The following CA12 variants were observed in gnomAD, a reference collection of about 807,000 sequenced individuals.
CA12 encodes carbonic anhydrase 12, also known as carbonate dehydratase XII.
Under a neutral mutation model 46.8 loss-of-function variants are expected in CA12, and 36 were observed. The ratio of observed to expected loss-of-function variants is 0.77; its 90% confidence interval spans 0.59 to 1.02. CA12 has a LOEUF of 1.02. Ranked by LOEUF, CA12 falls within the 50% of genes least tolerant of loss-of-function variation. The pLI is 0.00. For synonymous variants in CA12, 202 were observed against 187.0 expected (o/e 1.08, Z -0.65); for missense variants, 436 against 451.4 (o/e 0.97, Z 0.31).
chr15:63,353,238 G>C (rs1232453300), intron 2 of CA12, among the ~76,000 whole-genome samples: 2 of 152,136 alleles, frequency 1.3e-5, no homozygotes, highest in African/African-American at 2.4e-5. Flanking sequence ...CTGTCAAGCA[G>C]ATGATGCAGG....
At position 63,355,946 on chromosome 15, in the gene CA12, A is replaced by C. The variant is rs1486858817; in HGVS notation, c.107-9237T>G. Among the ~76,000 whole-genome samples the C allele has an allele frequency of 6.6e-6, 1 of 152,218 alleles. No individual in the cohort carries two copies. Among genetic ancestry groups the C allele is most frequent in the African/African-American group, 2.4e-5 (1 of 41,454 alleles). ...GGCAACGACTGGTAACCATCTCTGAACAGAAAGGACTACAGATACCGTCTT... is the reference window on the plus strand; with the variant it reads ...GGCAACGACTGGTAACCATCTCTGACCAGAAAGGACTACAGATACCGTCTT... On this transcript the variant is annotated intron_variant, in intron 2 of 10. Coordinates refer to ENST00000178638, the MANE Select transcript of CA12 (RefSeq NM_001218.5). This position sits in a 1 kb window ranked among gnomAD's most constrained non-coding sequence, Gnocchi z 4.1.
In CA12 at chr15:63,329,864, T is replaced by C. The variant is rs912990684; in HGVS notation, c.875-1734A>G. Among the ~76,000 whole-genome samples, 4 of 152,314 alleles carry C rather than the reference T, an allele frequency of 2.6e-5. No homozygotes were observed. Among genetic ancestry groups the C allele is most frequent in the Non-Finnish European group, 4.4e-5 (3 of 68,028 alleles). On this transcript the variant is annotated intron_variant, in intron 8 of 10. Transcript: ENST00000178638. This position sits in a 1 kb window ranked among gnomAD's most constrained non-coding sequence, Gnocchi z 4.8. ...TGTCGTATGGCCCAAGTCTAGCTGA[T>C]TCCCCAGGAGCCATCAGCCGTGTGC...
Position 63,373,356 on chromosome 15 carries a change from C to CT in CA12, c.106+2301_106+2302insA, listed in dbSNP as rs2039530404. 8.1e-6 allele frequency among the ~76,000 whole-genome samples: 1 copy of CT among 124,020 alleles called. No individual in the cohort carries two copies. Among genetic ancestry groups the CT allele is most frequent in the East Asian group, 3.1e-4 (1 of 3,178 alleles). The allele number at this position is 124,020 out of a possible 152,430, so 81.4% of individuals were successfully genotyped here. On this transcript the variant is annotated intron_variant, in intron 2 of 10. Transcript: ENST00000178638. The surrounding 1 kb of genome is among the most constrained non-coding windows in gnomAD (Gnocchi z 4.9). ...CTCCACCCTGGGTGAGAATGAGACT[C>CT]CAAAAAAAAAAAAAAAATTTGTCCT...
At chr15:63,380,186 T>C (rs1257424004) in intron 1 of CA12, among the ~76,000 whole-genome samples, 2 of 151,908 alleles carry the variant, frequency 1.3e-5, no homozygotes, top group African/African-American at 2.4e-5. Flanking sequence ...TTCCTCAGAG[T>C]GAGGCGAAAG....
rs917130883 is a variant in CA12 at position 63,330,625 on chromosome 15, C to A, written c.875-2495G>T. Among the ~76,000 whole-genome samples, 2 of 152,316 alleles carry A rather than the reference C, an allele frequency of 1.3e-5. No individual in the cohort carries two copies. The highest frequency in any genetic ancestry group is 2.1e-4 in the South Asian group (1 of 4,824). ...GCCCAGTCTGTGGCTGGTGGGGGTA[C>A]CCTTCATGCCTGGTCTTGGGGAGCT... is the stretch of plus-strand genomic sequence containing the variant. On this transcript the variant is annotated intron_variant, in intron 8 of 10. Coordinates refer to ENST00000178638, the MANE Select transcript of CA12 (RefSeq NM_001218.5). This position sits in a 1 kb window ranked among gnomAD's most constrained non-coding sequence, Gnocchi z 4.0.
chr15:63,332,456 TG>T (rs1243863426), intron 8 of CA12, among the ~76,000 whole-genome samples: 1 of 152,234 alleles, frequency 6.6e-6, no homozygotes. Flanking sequence ...CACGTTGCTC[TG>T]AAGGGCCTAA....
In CA12 at chr15:63,345,694, G is replaced by T. The variant is rs953223055; in HGVS notation, c.287-75C>A. Reference sequence around the variant, plus strand: ...GCCAGAGAGCAGTCAGGTAGGCAATGCTCCCTCCACCCCTGCTGCCACCCC... The same window carrying T: ...GCCAGAGAGCAGTCAGGTAGGCAATTCTCCCTCCACCCCTGCTGCCACCCC... On this transcript the variant is annotated intron_variant, in intron 3 of 10. Coordinates refer to ENST00000178638, the MANE Select transcript of CA12 (RefSeq NM_001218.5). The surrounding 1 kb of genome is among the most constrained non-coding windows in gnomAD (Gnocchi z 4.3). The T allele has an allele frequency of 1.6e-5, 24 of 1,541,212 alleles. No individual in the cohort carries two copies. Among genetic ancestry groups the T allele is most frequent in the Non-Finnish European group, 2.6e-6 (3 of 1,144,496 alleles).
At chr15:63,371,492 C>A (rs948240432) in intron 2 of CA12, among the ~76,000 whole-genome samples, 3 of 152,224 alleles carry the variant, frequency 2.0e-5, no homozygotes, top group African/African-American at 7.2e-5. Flanking sequence ...ACCTGGCACC[C>A]CCGTGCCAGG....
At chr15:63,347,992 A>G (rs991019966) in intron 2 of CA12, among the ~76,000 whole-genome samples, 2 of 152,210 alleles carry the variant, frequency 1.3e-5, no homozygotes, top group African/African-American at 2.4e-5. Flanking sequence ...AACCCCCTAC[A>G]TCGTGCTCTC....
At chr15:63,338,584 C>G (rs1415454527) in intron 8 of CA12, among the ~76,000 whole-genome samples, 1 of 152,212 alleles carries the variant, frequency 6.6e-6, no homozygotes, top group Non-Finnish European at 1.5e-5. Flanking sequence ...TTAAAGAGTG[C>G]TCTGGTCCAT....
At position 63,326,121 on chromosome 15, in the gene CA12, G is replaced by A. The variant is rs2038862504; in HGVS notation, c.*164C>T. On this transcript the variant is annotated 3_prime_UTR_variant, in exon 11 of 11. Transcript: ENST00000178638. ...GATCGGATGGCTCTGGGGTGGCCAT[G>A]GTCCCAAGGCAAGGAGGCACCCAGC... The A allele has an allele frequency of 3.0e-6, 2 of 666,418 alleles. No homozygotes were observed. The highest frequency in any genetic ancestry group is 4.2e-5 in the Admixed American group (2 of 47,494). The allele number at this position is 666,418 out of a possible 1,614,324, so 41.3% of individuals were successfully genotyped here.
At chr15:63,358,862 C>T (rs928597165) in intron 2 of CA12, among the ~76,000 whole-genome samples, 3 of 152,154 alleles carry the variant, frequency 2.0e-5, no homozygotes, top group Admixed American at 6.5e-5. Flanking sequence ...GCCCATGTCC[C>T]ACTGAGTCCA....
Position 63,356,222 on chromosome 15 carries a change from G to A in CA12, c.107-9513C>T, listed in dbSNP as rs754179986. On this transcript the variant is annotated intron_variant, in intron 2 of 10. Coordinates refer to ENST00000178638, the MANE Select transcript of CA12 (RefSeq NM_001218.5). ...AGCCTGGCCAACATGGTGAAACCCC[G>A]TCTGTACTAAAAATACAAAAAATAG... is the stretch of plus-strand genomic sequence containing the variant. Among the ~76,000 whole-genome samples, 21 of 152,046 alleles carry A rather than the reference G, an allele frequency of 1.4e-4. No homozygotes were observed. In the East Asian group the frequency reaches 1.9e-3, roughly 14 times the overall value.
chr15:63,377,738 C>A lies in CA12; in HGVS notation c.86-2060G>T, dbSNP rs112621378. Among the ~76,000 whole-genome samples the A allele has an allele frequency of 6.5e-3, 989 of 152,256 alleles. 18 individuals carry two copies. Among genetic ancestry groups the A allele is most frequent in the African/African-American group, 0.023 (949 of 41,540 alleles). On this transcript the variant is annotated intron_variant, in intron 1 of 10. Coordinates refer to ENST00000178638, the MANE Select transcript of CA12 (RefSeq NM_001218.5). Reference sequence around the variant, plus strand: ...GGATCTTTTTAAAATGATTCTTTTGCTATTATCTCCATATCTCTATATAAC... The same window carrying A: ...GGATCTTTTTAAAATGATTCTTTTGATATTATCTCCATATCTCTATATAAC...
intron 2 of CA12, among the ~76,000 whole-genome samples, chr15:63,347,829 C>T (rs1048217698): frequency 6.6e-6 from 1 of 152,104 alleles, no homozygotes; most frequent in Non-Finnish European, 1.5e-5. Flanking sequence ...TCAAGCTTTG[C>T]CATCTGGGGG....
At chr15:63,367,530 G>C (rs1444419783) in intron 2 of CA12, among the ~76,000 whole-genome samples, 2 of 152,206 alleles carry the variant, frequency 1.3e-5, no homozygotes, top group African/African-American at 4.8e-5. Context: ...TTACCTAGGA[G>C]ACTTTGCAGA....
chr15:63,351,014 C>T (rs751211443), intron 2 of CA12, among the ~76,000 whole-genome samples: 3 of 152,104 alleles, frequency 2.0e-5, no homozygotes, highest in Non-Finnish European at 2.9e-5. Context: ...TTAAGATTAC[C>T]GAATCCAATT....
rs1187766190 is a variant in CA12 at position 63,352,586 on chromosome 15, T to C, written c.107-5877A>G. Among the ~76,000 whole-genome samples, 3 of 152,342 alleles carry C rather than the reference T, an allele frequency of 2.0e-5. No homozygotes were observed. In the South Asian group the frequency reaches 6.2e-4, roughly 32 times the overall value. ...CCCCTGTGTCTGTGTCAGTGCTCACTGCAGGCAGCTTCCTGGAGAACCTGC... is the reference window on the plus strand; with the variant it reads ...CCCCTGTGTCTGTGTCAGTGCTCACCGCAGGCAGCTTCCTGGAGAACCTGC... On this transcript the variant is annotated intron_variant, in intron 2 of 10. Coordinates refer to ENST00000178638, the MANE Select transcript of CA12 (RefSeq NM_001218.5).
rs1201760848 is a variant in CA12 at position 63,330,344 on chromosome 15, T to C, written c.875-2214A>G. Among the ~76,000 whole-genome samples the C allele has an allele frequency of 6.6e-6, 1 of 152,206 alleles. No individual in the cohort carries two copies. The highest frequency in any genetic ancestry group is 2.4e-5 in the African/African-American group (1 of 41,452). On this transcript the variant is annotated intron_variant, in intron 8 of 10. Coordinates refer to ENST00000178638, the MANE Select transcript of CA12 (RefSeq NM_001218.5). This position sits in a 1 kb window ranked among gnomAD's most constrained non-coding sequence, Gnocchi z 4.0. ...AAATGTAACCAGAGACCATGGTCCC[T>C]GGAATCTTAAAAAAACAAACATAAT...
Sources: gnomAD v4.1 joint callset for allele counts (sites outside exome capture counted in the v4.1 genomes callset) on GRCh38, gnomAD v4.1.1 for gene constraint, Gnocchi (gnomAD v3.1) non-coding constraint, MANE v1.5 for transcripts, NCBI Gene and HGNC (gene_info 2026-07-23, HGNC 2026-07-21) for gene names.